The following SNX14 variants were observed in gnomAD, a reference collection of about 807,000 sequenced individuals.
The protein encoded by SNX14 is sorting nexin-14.
A neutral mutation model predicts 133.8 loss-of-function variants in SNX14; 93 were observed. That is an observed-to-expected ratio of 0.70 (90% CI 0.59 to 0.83). SNX14 has a LOEUF of 0.83. SNX14 is among the 40% of genes least tolerant of loss of function. SNX14 has a pLI of 0.00. For missense variants in SNX14, 945 were observed against 1,094.9 expected (o/e 0.86, Z 1.93); for synonymous variants, 368 against 365.6 (o/e 1.01, Z -0.07).
chr6:85,536,761 T>C lies in SNX14; in HGVS notation c.1608+31A>G, dbSNP rs754438603. 1.8e-5 allele frequency: 29 copies of C among 1,595,330 alleles called. No individual in the cohort carries two copies. The East Asian group carries it at 6.5e-4, about 36-fold the overall frequency. ...TTATGTCATAGTAAGTCTGAAGTTA[T>C]AAATAAATCAAATTGATACATTTTA... On this transcript the variant is annotated intron_variant, in intron 17 of 28. Transcript: ENST00000314673.
intron 7 of SNX14, among the ~76,000 whole-genome samples, chr6:85,556,272 A>G (rs1789731254): frequency 6.6e-6 from 1 of 152,076 alleles, no homozygotes; most frequent in Non-Finnish European, 1.5e-5. Context: ...CAATTAAGTT[A>G]TGTGTACTTG....
chr6:85,578,653 T>TTTC (rs751492404), intron 1 of SNX14, among the ~76,000 whole-genome samples: 1 of 152,210 alleles, frequency 6.6e-6, no homozygotes, highest in Non-Finnish European at 1.5e-5. Context: ...AAATGACTGA[T>TTTC]GGACCAAGCT....
At chr6:85,511,171 G>T (rs947139582) in intron 26 of SNX14, among the ~76,000 whole-genome samples, 2 of 145,366 alleles carry the variant, frequency 1.4e-5, no homozygotes, top group Non-Finnish European at 3.1e-5. Context: ...CACTTTTGGG[G>T]GTGCTAATGC....
chr6:85,564,915 G>A (rs560274542), intron 6 of SNX14, among the ~76,000 whole-genome samples: 12 of 152,068 alleles, frequency 7.9e-5, no homozygotes, highest in Non-Finnish European at 1.5e-4. Flanking sequence ...CTTGAACCTG[G>A]GAGGCGGAGG....
chr6:85,528,163 G>T (rs1779078681), intron 20 of SNX14, 99 bp downstream of exon 20: 3 of 678,690 alleles, frequency 4.4e-6, no homozygotes, highest in Non-Finnish European at 4.7e-6. Flanking sequence ...ACATGGACAG[G>T]TATTTATAAA....
At chr6:85,516,442 A>G (rs1426091852) in intron 23 of SNX14, among the ~76,000 whole-genome samples, 5 of 152,116 alleles carry the variant, frequency 3.3e-5, no homozygotes, top group Admixed American at 3.3e-4. Context: ...AATTGGTTAT[A>G]AAAAATCTTC....
chr6:85,573,436 C>T (rs1297060725), intron 2 of SNX14, among the ~76,000 whole-genome samples: 2 of 151,924 alleles, frequency 1.3e-5, no homozygotes, highest in Non-Finnish European at 2.9e-5. Flanking sequence ...ACCAAAATGG[C>T]GCCACCGCAC....
intron 21 of SNX14, among the ~76,000 whole-genome samples, chr6:85,525,625 G>A (rs973996065): frequency 3.9e-5 from 6 of 152,068 alleles, no homozygotes; most frequent in African/African-American, 1.4e-4. Context: ...ACTACTACAA[G>A]TGACCCAAAA....
intron 7 of SNX14, among the ~76,000 whole-genome samples, chr6:85,551,628 C>T (rs550625888): frequency 6.6e-6 from 1 of 152,300 alleles, no homozygotes; most frequent in South Asian, 2.1e-4. Context: ...GGAATGCAGC[C>T]TTGTTTCACA....
intron 1 of SNX14, among the ~76,000 whole-genome samples, chr6:85,592,730 C>T (rs920476855): frequency 3.3e-5 from 5 of 151,902 alleles, no homozygotes; most frequent in African/African-American, 1.2e-4. Flanking sequence ...TGGCTCACGC[C>T]TGTAATCCCA....
chr6:85,588,822 A>G (rs750712017), intron 1 of SNX14: 17 of 453,170 alleles, frequency 3.8e-5, no homozygotes, highest in South Asian at 2.5e-4. Flanking sequence ...AGAAAACAAC[A>G]TGCTATTAAG....
chr6:85,564,489 T>C (rs1354563197), intron 6 of SNX14, among the ~76,000 whole-genome samples: 3 of 152,206 alleles, frequency 2.0e-5, no homozygotes, highest in Admixed American at 1.3e-4. Context: ...TGGTACCTCA[T>C]TGTTGTTTTG....
At chr6:85,511,603 A>G (rs80162125) in intron 26 of SNX14, among the ~76,000 whole-genome samples, 9,669 of 152,256 alleles carry the variant, frequency 0.064, 397 homozygotes, top group Non-Finnish European at 0.084. Flanking sequence ...CTGAGATCAT[A>G]AGTGGGTGTT....
chr6:85,514,437 A>T, intron 24 of SNX14, 69 bp downstream of exon 24: 1 of 1,566,476 alleles, frequency 6.4e-7, no homozygotes, highest in Non-Finnish European at 8.7e-7. Flanking sequence ...GCAATACTCA[A>T]GATCATTATT....
chr6:85,560,260 C>G (rs2128143072), intron 6 of SNX14, among the ~76,000 whole-genome samples: 1 of 152,056 alleles, frequency 6.6e-6, no homozygotes, highest in Admixed American at 6.5e-5. Context: ...AATGGATAAA[C>G]AAAATGTAGT....
intron 11 of SNX14, 30 bp downstream of exon 11, chr6:85,547,287 C>A: frequency 2.5e-6 from 4 of 1,610,266 alleles, no homozygotes. Flanking sequence ...TTGTTTATAT[C>A]AAAAAGGTGT....
At chr6:85,534,042 C>G (rs1363153105) in intron 17 of SNX14, among the ~76,000 whole-genome samples, 1 of 152,164 alleles carries the variant, frequency 6.6e-6, no homozygotes, top group African/African-American at 2.4e-5. Flanking sequence ...AGGCCGGGGA[C>G]AGCGCCTATA....
In SNX14 at chr6:85,546,633, T is replaced by G. The variant is rs1010264499; in HGVS notation, c.1108+479A>C. 2.0e-5 allele frequency among the ~76,000 whole-genome samples: 3 copies of G among 152,028 alleles called. No homozygotes were observed. In the South Asian group the frequency reaches 6.2e-4, roughly 32 times the overall value. ...GATTATTTCCCAATCTGGAAAGAAG[T>G]GGGCACTTGAGAGAAACCCACATAT... On this transcript the variant is annotated intron_variant, in intron 12 of 28. Transcript: ENST00000314673.
At chr6:85,541,517 A>G (rs931532215) in intron 15 of SNX14, among the ~76,000 whole-genome samples, 10 of 152,174 alleles carry the variant, frequency 6.6e-5, no homozygotes, top group African/African-American at 2.2e-4. Context: ...CCAGTTTATA[A>G]ATGGATAAAG....
Sources: gnomAD v4.1 joint callset for allele counts (sites outside exome capture counted in the v4.1 genomes callset) on GRCh38, gnomAD v4.1.1 for gene constraint, MANE v1.5 for transcripts, NCBI Gene and HGNC (gene_info 2026-07-23, HGNC 2026-07-21) for gene names.